Variants in RNF123 observed in about 807,000 individuals in gnomAD.
RNF123 encodes the protein E3 ubiquitin-protein ligase RNF123.
A neutral mutation model predicts 168.5 loss-of-function variants in RNF123; 86 were observed. The observed-to-expected ratio is 0.51, with a 90% CI of 0.43 to 0.61. The LOEUF is 0.61. RNF123 is among the 20% of genes least tolerant of loss of function. The probability of loss-of-function intolerance (pLI) is 0.00; values close to 1 mark genes in which losing one functional copy is unlikely to be tolerated. For missense variants in RNF123, 1,419 were observed against 1,729.7 expected (o/e 0.82, Z 3.19); for synonymous variants, 666 against 689.1 (o/e 0.97, Z 0.52).
At chr3:49,708,286 T>A (rs1231305845) in intron 26 of RNF123, among the ~76,000 whole-genome samples, 1 of 152,174 alleles carries the variant, frequency 6.6e-6, no homozygotes, top group Non-Finnish European at 1.5e-5. Context: ...CATTTTTAAG[T>A]GTTAAGTCTA....
In RNF123 at chr3:49,712,468, G is replaced by T. The variant is rs2080161437; in HGVS notation, c.2497-11G>T. On this transcript the variant is annotated splice_polypyrimidine_tract_variant and intron_variant, in intron 26 of 38. Coordinates refer to ENST00000327697, the MANE Select transcript of RNF123 (RefSeq NM_022064.5). ...TGCGCAACCCAGCAGCACCCCGTGT[G>T]CCTCCTGCAGGAGAAGATGCTGGAC... 1 of 1,613,532 alleles carries T rather than the reference G, an allele frequency of 6.2e-7. No individual in the cohort carries two copies.
In RNF123 at chr3:49,691,493, C is replaced by G; in HGVS notation, c.151C>G (p.Pro51Ala). The change falls in exon 3 of 39, where the codon CCA (proline) becomes GCA (alanine). Residue 51 changes from proline to alanine, a missense_variant. Physicochemically the swap from Pro to Ala is conservative, Grantham distance 27. This residue lies in a region of RNF123 where 318 missense variants were observed against 446.6 expected (regional missense o/e 0.71). Transcript: ENST00000327697. ...RIFSSSEHAP[P>A]AATSRKPLNF... ...CTTTTCCTCTTCTGAACATGCACCCCCAGCAGCCACCAGCAGGTATGGCTG... is the reference window on the plus strand; with the variant it reads ...CTTTTCCTCTTCTGAACATGCACCCGCAGCAGCCACCAGCAGGTATGGCTG... The G allele has an allele frequency of 6.2e-7, 1 of 1,614,132 alleles. No individual in the cohort carries two copies. Among genetic ancestry groups the G allele is most frequent in the South Asian group, 1.1e-5 (1 of 91,058 alleles).
chr3:49,718,242 G>A, intron 35 of RNF123: 1 of 1,612,092 alleles, frequency 6.2e-7, no homozygotes, highest in Non-Finnish European at 8.5e-7. Flanking sequence ...GGCGGCAGCA[G>A]CGGCAGGGTG....
intron 3 of RNF123, among the ~76,000 whole-genome samples, chr3:49,695,758 C>T (rs1283592236): frequency 2.0e-5 from 3 of 152,184 alleles, no homozygotes; most frequent in Admixed American, 6.5e-5. Context: ...CTGTGGGCAG[C>T]CAGGTGTGTA....
intron 7 of RNF123, 54 bp downstream of exon 7, chr3:49,698,191 A>G: frequency 1.3e-6 from 2 of 1,489,138 alleles, no homozygotes; most frequent in Non-Finnish European, 1.9e-6. Context: ...TTCTCCTGCC[A>G]CAGGCCTCAT....
At chr3:49,705,360 T>G (rs2054494129) in intron 23 of RNF123, among the ~76,000 whole-genome samples, 174 bp from the exon 24 acceptor site, 1 of 152,182 alleles carries the variant, frequency 6.6e-6, no homozygotes, top group African/African-American at 2.4e-5. Context: ...AAATAGGTCC[T>G]GGCACCGCAG....
intron 21 of RNF123, among the ~76,000 whole-genome samples, chr3:49,704,088 A>AG (rs1456740808): frequency 6.6e-6 from 1 of 151,940 alleles, no homozygotes; most frequent in African/African-American, 2.4e-5. Context: ...CATCAGGGAG[A>AG]GGGGCTGCAG....
In RNF123 at chr3:49,706,051, C is replaced by T. The variant is rs766828891; in HGVS notation, c.2374C>T (p.Arg792Trp). ...ALRDTEDKLR[R>W]CPKRRKDILA... is the part of the protein sequence containing the mutation. ...GAGGGACACAGAGGACAAGCTCCGC[C>T]GGTGCCCCAAGAGGGTAAGGCCCAC... Residue 792 changes from arginine (R) to tryptophan (W), a missense_variant, in exon 25 of 39, where the codon CGG becomes TGG. By Grantham distance (101) the Arg-to-Trp change is moderately radical. Around this residue, in one of 5 missense-constraint regions of RNF123, gnomAD observed 538 missense variants for 708.8 expected, o/e 0.76. Transcript: ENST00000327697. The T allele has an allele frequency of 1.4e-5, 22 of 1,613,986 alleles. No individual in the cohort carries two copies. Among genetic ancestry groups the T allele is most frequent in the African/African-American group, 2.7e-5 (2 of 74,922 alleles).
intron 35 of RNF123, chr3:49,719,982 A>ACTCT (rs1269088430): frequency 6.2e-6 from 1 of 162,106 alleles, no homozygotes; most frequent in Admixed American, 5.7e-5. Flanking sequence ...GGGCAGGCAG[A>ACTCT]CTCTCACTAT....
intron 3 of RNF123, 37 bp from the exon 4 acceptor site, chr3:49,697,106 G>T: frequency 6.4e-7 from 1 of 1,555,366 alleles, no homozygotes; most frequent in South Asian, 1.1e-5. Flanking sequence ...TGATTTCAAG[G>T]ACTTGTGGAC....
chr3:49,720,756 C>T (rs770377962), intron 36 of RNF123, 44 bp from the exon 37 acceptor site: 9 of 1,611,894 alleles, frequency 5.6e-6, no homozygotes, highest in Non-Finnish European at 5.1e-6. Context: ...AGAGGCATCA[C>T]ATCCTCAGCT....
chr3:49,700,417 G>A, intron 13 of RNF123, 55 bp from the exon 14 acceptor site: 1 of 1,612,034 alleles, frequency 6.2e-7, no homozygotes. Context: ...GGAAGATACG[G>A]GGAGAATCTT....
intron 26 of RNF123, among the ~76,000 whole-genome samples, chr3:49,711,382 A>G (rs1283887461): frequency 6.6e-6 from 1 of 151,928 alleles, no homozygotes; most frequent in Non-Finnish European, 1.5e-5. Flanking sequence ...GCTCTTCCCC[A>G]TCTCTGAAAT....
At chr3:49,715,763 C>G (rs770703700) in intron 32 of RNF123, 49 bp downstream of exon 32, 1 of 1,614,038 alleles carries the variant, frequency 6.2e-7, no homozygotes, top group Admixed American at 1.7e-5. Context: ...AGGGATGAGG[C>G]CTGGTCCTGG....
At chr3:49,695,669 C>A (rs2054253678) in intron 3 of RNF123, among the ~76,000 whole-genome samples, 1 of 152,160 alleles carries the variant, frequency 6.6e-6, no homozygotes, top group African/African-American at 2.4e-5. Context: ...CAACCTTTGT[C>A]CCCTTCCAGA....
intron 13 of RNF123, 46 bp from the exon 14 acceptor site, chr3:49,700,426 T>G (rs1041960693): frequency 9.3e-6 from 15 of 1,611,758 alleles, no homozygotes; most frequent in Non-Finnish European, 1.2e-5. Context: ...GGGGAGAATC[T>G]TGGAAAAGGC....
At position 49,721,404 on chromosome 3, in the gene RNF123, A is replaced by G. The variant is rs763003314; in HGVS notation, c.*99A>G. ...CCTTTGCCCTTCTCCTGTATCCCAC[A>G]CCACCACATCCAACCTCCTTGCCTG... On this transcript the variant is annotated 3_prime_UTR_variant, in exon 39 of 39. Coordinates refer to ENST00000327697, the MANE Select transcript of RNF123 (RefSeq NM_022064.5). 7.4e-6 allele frequency: 11 copies of G among 1,483,644 alleles called. No homozygotes were observed. The highest frequency in any genetic ancestry group is 1.7e-5 in the Admixed American group (1 of 59,818). The allele number at this position is 1,483,644 out of a possible 1,614,324, so 91.9% of individuals were successfully genotyped here.
Position 49,699,895 on chromosome 3 carries a change from C to A in RNF123, c.984+123C>A. The A allele has an allele frequency of 1.0e-6, 1 of 984,956 alleles. No individual in the cohort carries two copies. The highest frequency in any genetic ancestry group is 1.5e-6 in the Non-Finnish European group (1 of 654,762). 61.0% of individuals were successfully genotyped at this position (984,956 alleles called of 1,614,324 possible). On this transcript the variant is annotated intron_variant, in intron 12 of 38. Coordinates refer to ENST00000327697, the MANE Select transcript of RNF123 (RefSeq NM_022064.5). This position sits in a 1 kb window ranked among gnomAD's most constrained non-coding sequence, Gnocchi z 4.8. ...TCCCACAGCATCACCTGGCGAGGGCCCCATGTGACCAGGGCCCTCAGACCT... is the reference window on the plus strand; with the variant it reads ...TCCCACAGCATCACCTGGCGAGGGCACCATGTGACCAGGGCCCTCAGACCT...
chr3:49,718,517 C>T (rs1323054719), intron 35 of RNF123: 1 of 1,613,078 alleles, frequency 6.2e-7, no homozygotes, highest in Non-Finnish European at 8.5e-7. Flanking sequence ...CTGAGAAGCT[C>T]CTGCTGCGGC....
Sources: gnomAD v4.1 joint callset for allele counts (sites outside exome capture counted in the v4.1 genomes callset) on GRCh38, gnomAD v4.1.1 for gene constraint, gnomAD v4.1.1 regional missense constraint, Gnocchi (gnomAD v3.1) non-coding constraint, MANE v1.5 for transcripts, NCBI Gene and HGNC (gene_info 2026-07-23, HGNC 2026-07-21) for gene names.